DLG2: variants seen among roughly 807,000 people sequenced by gnomAD.
DLG2 encodes disks large homolog 2.
In DLG2, 45 loss-of-function variants were observed where a neutral mutation model predicts 132.5. The observed-to-expected ratio is 0.34, with a 90% CI of 0.27 to 0.44. DLG2 has a LOEUF of 0.44. Ranked by LOEUF, DLG2 falls within the 20% of genes least tolerant of loss-of-function variation. The probability of loss-of-function intolerance (pLI) is 1.00; values close to 1 mark genes in which losing one functional copy is unlikely to be tolerated. For missense variants in DLG2, 1,045 were observed against 1,196.9 expected (o/e 0.87, Z 1.87); for synonymous variants, 424 against 419.6 (o/e 1.01, Z -0.13).
At chr11:84,810,440 G>T (rs1382852135) in intron 6 of DLG2, among the ~76,000 whole-genome samples, 1 of 152,060 alleles carries the variant, frequency 6.6e-6, no homozygotes, top group African/African-American at 2.4e-5. Context: ...ATCACAGTGA[G>T]ACATCACTAC....
intron 14 of DLG2, among the ~76,000 whole-genome samples, chr11:83,960,295 T>C (rs1200140141): frequency 2.6e-5 from 4 of 152,096 alleles, no homozygotes; most frequent in African/African-American, 9.7e-5. Flanking sequence ...GTGTCTCTTG[T>C]GGTGTTAGGG....
intron 6 of DLG2, among the ~76,000 whole-genome samples, chr11:84,830,683 G>A (rs2078920996): frequency 6.6e-6 from 1 of 151,504 alleles, no homozygotes; most frequent in South Asian, 2.1e-4. Context: ...TCTGACTGAA[G>A]CCTGCATAAA....
intron 8 of DLG2, among the ~76,000 whole-genome samples, chr11:84,218,985 C>T (rs1265883906): frequency 2.0e-5 from 3 of 152,234 alleles, no homozygotes; most frequent in South Asian, 2.1e-4. Context: ...ATTATGGCAG[C>T]TATTGGTACC....
At chr11:83,707,504 T>A (rs980990236) in intron 18 of DLG2, among the ~76,000 whole-genome samples, 1 of 152,160 alleles carries the variant, frequency 6.6e-6, no homozygotes, top group African/African-American at 2.4e-5. Flanking sequence ...AACCCATCTT[T>A]ATTAAAAATA....
At chr11:84,394,122 C>T (rs2154442970) in intron 7 of DLG2, among the ~76,000 whole-genome samples, 1 of 152,308 alleles carries the variant, frequency 6.6e-6, no homozygotes, top group East Asian at 1.9e-4. Context: ...AGCGATCCAC[C>T]CGCCTCAGCC....
intron 6 of DLG2, among the ~76,000 whole-genome samples, chr11:85,078,236 T>C (rs575330608): frequency 2.1e-4 from 31 of 149,452 alleles, no homozygotes; most frequent in Middle Eastern, 6.8e-3. Flanking sequence ...TGGAGAAAAA[T>C]AAAGCAAGCT....
At chr11:85,384,129 A>G (rs1401212648) in intron 3 of DLG2, among the ~76,000 whole-genome samples, 1 of 152,146 alleles carries the variant, frequency 6.6e-6, no homozygotes, top group Non-Finnish European at 1.5e-5. Flanking sequence ...AGGTCTTATA[A>G]TACATATGAA....
At chr11:85,523,281 T>A (rs2074461215) in intron 3 of DLG2, among the ~76,000 whole-genome samples, 1 of 152,170 alleles carries the variant, frequency 6.6e-6, no homozygotes, top group Non-Finnish European at 1.5e-5. Context: ...CCCACCATGA[T>A]TATAAGTTTC....
chr11:84,093,033 C>CAA (rs562763060), intron 10 of DLG2, among the ~76,000 whole-genome samples: 21 of 87,590 alleles, frequency 2.4e-4, no homozygotes, highest in Admixed American at 7.9e-4. Context: ...GAGTCTCCGT[C>CAA]AAAAAAAAAA....
chr11:83,797,764 C>T (rs1034487958), intron 17 of DLG2, among the ~76,000 whole-genome samples: 4 of 152,058 alleles, frequency 2.6e-5, no homozygotes, highest in African/African-American at 9.7e-5. Context: ...GTGATCCGCC[C>T]GCCTCGGCCT....
At chr11:83,877,376 C>T (rs2065030725) in intron 15 of DLG2, among the ~76,000 whole-genome samples, 2 of 152,074 alleles carry the variant, frequency 1.3e-5, no homozygotes, top group African/African-American at 4.8e-5. Context: ...AAAGTACCAA[C>T]AGTTCTTAGG....
At chr11:84,379,295 G>A (rs2098741141) in intron 7 of DLG2, among the ~76,000 whole-genome samples, 1 of 152,078 alleles carries the variant, frequency 6.6e-6, no homozygotes. Context: ...AGGAGAAAAT[G>A]AAAGGCATAA....
At chr11:85,561,251 G>C (rs1167100079) in intron 3 of DLG2, among the ~76,000 whole-genome samples, 2 of 135,820 alleles carry the variant, frequency 1.5e-5, no homozygotes, top group African/African-American at 2.7e-5. Context: ...AGGATCTCTT[G>C]AGCCCAGGAG....
At chr11:84,470,948 A>G (rs2099106857) in intron 7 of DLG2, among the ~76,000 whole-genome samples, 1 of 151,870 alleles carries the variant, frequency 6.6e-6, no homozygotes, top group Non-Finnish European at 1.5e-5. Context: ...ACTAAGACAG[A>G]CAGGGAAATC....
chr11:84,815,337 T>C (rs2076981915), intron 6 of DLG2, among the ~76,000 whole-genome samples: 1 of 152,058 alleles, frequency 6.6e-6, no homozygotes, highest in South Asian at 2.1e-4. Context: ...TCCCAGGACA[T>C]GGAATCCTGG....
rs1487874088 is a variant in DLG2, at chr11:84,499,726, G to C, written c.519+34844C>G. ...CTGTTCTCTCTTTCTGTCTCTCTCT[G>C]TTTCTCTCTCTATATATTCCTTCCT... is the stretch of plus-strand genomic sequence containing the variant. On this transcript the variant is annotated intron_variant, in intron 7 of 27. Coordinates refer to ENST00000376104, the MANE Select transcript of DLG2 (RefSeq NM_001142699.3). 4.0e-5 allele frequency among the ~76,000 whole-genome samples: 6 copies of C among 151,748 alleles called. No individual in the cohort carries two copies. In the East Asian group the frequency reaches 9.7e-4, roughly 25 times the overall value.
intron 8 of DLG2, among the ~76,000 whole-genome samples, chr11:84,211,061 G>A (rs4944472): frequency 0.75 from 113,746 of 152,044 alleles, 44,652 homozygotes; most frequent in Middle Eastern, 0.9. Context: ...AAAGTATATC[G>A]TTGGATGAAA....
intron 19 of DLG2, among the ~76,000 whole-genome samples, chr11:83,580,160 T>A (rs1467051089): frequency 7.0e-6 from 1 of 142,250 alleles, no homozygotes; most frequent in East Asian, 1.9e-4. Flanking sequence ...TTCATTGATC[T>A]TTTTTGTGCC....
intron 7 of DLG2, among the ~76,000 whole-genome samples, chr11:84,349,376 C>A (rs901767411): frequency 2.6e-5 from 4 of 152,116 alleles, no homozygotes; most frequent in African/African-American, 9.7e-5. Flanking sequence ...AGATGAAGTT[C>A]TGCAACTTTG....
Sources: allele counts gnomAD v4.1 joint callset (sites outside exome capture counted in the v4.1 genomes callset), GRCh38; gene constraint gnomAD v4.1.1; transcripts MANE v1.5; gene names NCBI Gene and HGNC (gene_info 2026-07-23, HGNC 2026-07-21).